Variants in CDC73 observed in about 807,000 individuals in gnomAD.
The protein encoded by CDC73 is cell division cycle 73.
In CDC73, 21 loss-of-function variants were observed where a neutral mutation model predicts 83.7. The observed-to-expected ratio is 0.25, with a 90% CI of 0.18 to 0.36. The LOEUF is 0.36. CDC73 is among the 10% of genes least tolerant of loss of function. The probability of loss-of-function intolerance (pLI) is 1.00; values close to 1 mark genes in which losing one functional copy is unlikely to be tolerated. For missense variants in CDC73, 342 were observed against 653.3 expected, an observed-to-expected ratio of 0.52 and a Z score of 5.19; for synonymous variants, 224 against 212.9, an observed-to-expected ratio of 1.05 and a Z score of -0.45.
At chr1:193,219,779 A>G (rs1295268486) in intron 13 of CDC73, among the ~76,000 whole-genome samples, 1 of 152,182 alleles carries the variant, frequency 6.6e-6, no homozygotes, top group East Asian at 1.9e-4. Context: ...CCTGTTGTGT[A>G]CTGTGCATAT....
At chr1:193,180,148 C>G in intron 10 of CDC73, 1 of 699,076 alleles carries the variant, frequency 1.4e-6, no homozygotes. Context: ...TAAGAATTAA[C>G]TTCTTCAGAA....
At position 193,232,744 on chromosome 1, in the gene CDC73, T is replaced by C. The variant is rs1039314787; in HGVS notation, c.1155-249T>C. Reference sequence around the variant, plus strand: ...GGTGAAACCCCATCTCTACTAAAAATACAAAAAAATTAGCTGGGCGTGGTG... The same window carrying C: ...GGTGAAACCCCATCTCTACTAAAAACACAAAAAAATTAGCTGGGCGTGGTG... On this transcript the variant is annotated intron_variant, in intron 13 of 16. Coordinates refer to ENST00000367435, the MANE Select transcript of CDC73 (RefSeq NM_024529.5). Among the ~76,000 whole-genome samples the C allele has an allele frequency of 2.6e-5, 4 of 151,732 alleles. 1 individual carries two copies. The highest frequency in any genetic ancestry group is 6.6e-5 in the Admixed American group (1 of 15,238).
chr1:193,243,971 A>C (rs745526997), intron 15 of CDC73, among the ~76,000 whole-genome samples: 1 of 152,240 alleles, frequency 6.6e-6, no homozygotes, highest in Non-Finnish European at 1.5e-5. Context: ...AGCTATCAGA[A>C]AAAACTTTAA....
chr1:193,203,170 T>C (rs1007185975), intron 10 of CDC73, among the ~76,000 whole-genome samples: 3 of 152,166 alleles, frequency 2.0e-5, no homozygotes, highest in African/African-American at 7.2e-5. Context: ...ATAATTGATA[T>C]ACTTCAACAC....
At position 193,212,539 on chromosome 1, in the gene CDC73, T is replaced by G. The variant is rs529921769; in HGVS notation, c.1154+62T>G. 59 of 1,095,264 alleles carry G rather than the reference T, an allele frequency of 5.4e-5. 1 individual carries two copies. In the East Asian group the frequency reaches 1.2e-3, roughly 22 times the overall value. 67.8% of individuals were successfully genotyped at this position (1,095,264 alleles called of 1,614,324 possible). A position where few individuals can be genotyped will look rare whatever the true frequency, so the allele number is the denominator to read the frequency against. ...TTGAGATACCATTGGAAAATAGTAG[T>G]TACTGAATCAGTATTACTTATTTGG... On this transcript the variant is annotated intron_variant, in intron 13 of 16. Coordinates refer to ENST00000367435, the MANE Select transcript of CDC73 (RefSeq NM_024529.5).
chr1:193,142,526 TC>T (rs1221220160), intron 7 of CDC73, among the ~76,000 whole-genome samples: 1 of 152,194 alleles, frequency 6.6e-6, no homozygotes, highest in Admixed American at 6.5e-5. Context: ...AGCAGTTTTT[TC>T]ATTAGCTCCC....
At chr1:193,241,402 G>T (rs1301624537) in intron 15 of CDC73, among the ~76,000 whole-genome samples, 2 of 152,234 alleles carry the variant, frequency 1.3e-5, no homozygotes, top group East Asian at 3.9e-4. Flanking sequence ...GCAGCAGGCT[G>T]AGCCTGCCTG....
At chr1:193,246,280 T>A (rs1237296957) in intron 15 of CDC73, among the ~76,000 whole-genome samples, 1 of 152,112 alleles carries the variant, frequency 6.6e-6, no homozygotes, top group East Asian at 1.9e-4. Context: ...TTGAGTTGAT[T>A]TTGTATGGGG....
rs893136290 is a variant in CDC73, at chr1:193,122,067, T to G, written c.-134T>G. ...TGCTGCTGTCGTAGGCGAGGACGGC[T>G]GTTAGTGCTGCTGCTGTTGGTTCGT... On this transcript the variant is annotated 5_prime_UTR_variant, in exon 1 of 17. Transcript: ENST00000367435. 2.5e-6 allele frequency: 2 copies of G among 795,050 alleles called. No individual in the cohort carries two copies. The highest frequency in any genetic ancestry group is 2.7e-5 in the East Asian group (1 of 37,610). The allele number at this position is 795,050 out of a possible 1,614,324, so 49.2% of individuals were successfully genotyped here.
intron 2 of CDC73, among the ~76,000 whole-genome samples, chr1:193,127,609 G>A (rs943630209): frequency 2.0e-5 from 3 of 152,026 alleles, no homozygotes; most frequent in Admixed American, 6.6e-5. Context: ...TATAGATTCT[G>A]TTTTTGGGAA....
intron 15 of CDC73, among the ~76,000 whole-genome samples, chr1:193,237,633 AG>A (rs1401598400): frequency 1.3e-5 from 2 of 152,070 alleles, no homozygotes; most frequent in African/African-American, 2.4e-5. Flanking sequence ...TGGGGTGGCG[AG>A]GCAGTGGTGA....
chr1:193,138,234 A>G lies in CDC73; in HGVS notation c.512+61A>G. 3 of 1,108,992 alleles carry G rather than the reference A, an allele frequency of 2.7e-6. No individual in the cohort carries two copies. The South Asian group carries it at 3.7e-5, about 14-fold the overall frequency. 68.7% of individuals were successfully genotyped at this position (1,108,992 alleles called of 1,614,324 possible). Reference sequence around the variant, plus strand: ...AGATATATGTAAAAGTATAAGGAAAAGGAATATTAAAATGCTCTCCACATT... The same window carrying G: ...AGATATATGTAAAAGTATAAGGAAAGGGAATATTAAAATGCTCTCCACATT... On this transcript the variant is annotated intron_variant, in intron 6 of 16. Transcript: ENST00000367435.
chr1:193,177,632 C>G (rs1180564581), intron 10 of CDC73, among the ~76,000 whole-genome samples: 1 of 151,606 alleles, frequency 6.6e-6, no homozygotes. Flanking sequence ...TCCTTCCTGT[C>G]TTAGTGTTGT....
intron 13 of CDC73, among the ~76,000 whole-genome samples, chr1:193,219,027 C>T (rs1249653874): frequency 5.3e-5 from 8 of 152,090 alleles, no homozygotes; most frequent in Non-Finnish European, 1.2e-4. Flanking sequence ...ATCTAATACC[C>T]AGAATGTATA....
chr1:193,221,384 G>GT (rs1434774629), intron 13 of CDC73, among the ~76,000 whole-genome samples: 6 of 151,468 alleles, frequency 4.0e-5, no homozygotes, highest in Admixed American at 2.0e-4. Context: ...GTATTGTGTT[G>GT]TTTTTTTGTT....
chr1:193,161,277 A>G (rs563658219), intron 10 of CDC73: 123 of 174,602 alleles, frequency 7.0e-4, no homozygotes, highest in Middle Eastern at 2.3e-3. Context: ...CTATTTAGAA[A>G]CTAAGTTCTT....
rs182649312 is a variant in CDC73 at position 193,155,970 on chromosome 1, A to G, written c.972+3526A>G. 1.3e-3 allele frequency among the ~76,000 whole-genome samples: 200 copies of G among 152,330 alleles called. 1 individual carries two copies. The highest frequency in any genetic ancestry group is 4.6e-3 in the African/African-American group (193 of 41,582). On this transcript the variant is annotated intron_variant, in intron 10 of 16. Transcript: ENST00000367435. ...ACTAGTGTTTCATAGAATCAGGTTA[A>G]GTAAAGCTATCTCAGAATTATGTGT...
intron 10 of CDC73, among the ~76,000 whole-genome samples, chr1:193,163,206 CT>C (rs1676373635): frequency 6.6e-6 from 1 of 150,552 alleles, no homozygotes; most frequent in Non-Finnish European, 1.5e-5. Flanking sequence ...TTTTTTCCCC[CT>C]CCTAGAAAAG....
intron 8 of CDC73, among the ~76,000 whole-genome samples, chr1:193,149,250 A>G (rs1676063158): frequency 6.6e-6 from 1 of 152,006 alleles, no homozygotes; most frequent in Non-Finnish European, 1.5e-5. Flanking sequence ...CGTAGAAGAC[A>G]GTTTTTTCAT....
Sources: gnomAD v4.1 joint callset for allele counts (sites outside exome capture counted in the v4.1 genomes callset) on GRCh38, gnomAD v4.1.1 for gene constraint, MANE v1.5 for transcripts, NCBI Gene and HGNC (gene_info 2026-07-23, HGNC 2026-07-21) for gene names.